Variants in PNLIPRP3 observed in about 807,000 individuals in gnomAD.
PNLIPRP3 encodes the protein pancreatic lipase related protein 3.
Under a neutral mutation model 52.8 loss-of-function variants are expected in PNLIPRP3, and 58 were observed. The ratio of observed to expected loss-of-function variants is 1.10; its 90% CI spans 0.89 to 1.37. PNLIPRP3 has a LOEUF of 1.37. Ranked by LOEUF, PNLIPRP3 falls within the 40% of genes most tolerant of loss-of-function variation. PNLIPRP3 has a pLI of 0.00. For missense variants in PNLIPRP3, 593 were observed against 561.6 expected (o/e 1.06, Z -0.57); for synonymous variants, 192 against 185.0 (o/e 1.04, Z -0.31).
chr10:116,439,732 T>G lies in PNLIPRP3; in HGVS notation c.204+2867T>G, dbSNP rs1011792402. 3.9e-6 allele frequency: 3 copies of G among 770,638 alleles called. No homozygotes were observed. The African/African-American group carries it at 5.1e-5, about 13-fold the overall frequency. The allele number at this position is 770,638 out of a possible 1,614,324, so 47.7% of individuals were successfully genotyped here. On this transcript the variant is annotated intron_variant, in intron 2 of 11. Transcript: ENST00000369230. ...TGTGGATTTGATCTAGGCGCAGAAT[T>G]CTGAACAGAACAGGAAGAATCCAGA...
intron 3 of PNLIPRP3, 47 bp downstream of exon 3, chr10:116,443,221 G>A (rs1490945098): frequency 1.9e-6 from 3 of 1,566,736 alleles, no homozygotes; most frequent in Non-Finnish European, 2.6e-6. Context: ...CGAGCTTTAT[G>A]TTTAACATGA....
chr10:116,442,243 C>T (rs1845869517), intron 2 of PNLIPRP3, among the ~76,000 whole-genome samples: 1 of 152,086 alleles, frequency 6.6e-6, no homozygotes, highest in African/African-American at 2.4e-5. Context: ...TTAAGGCAAT[C>T]CAACAAAATA....
At chr10:116,437,126 A>G (rs1402958498) in intron 2 of PNLIPRP3, among the ~76,000 whole-genome samples, 1 of 151,658 alleles carries the variant, frequency 6.6e-6, no homozygotes, top group Non-Finnish European at 1.5e-5. Flanking sequence ...CAGTCAATGT[A>G]CCAACTGAGA....
chr10:116,439,838 G>T (rs1309586915), intron 2 of PNLIPRP3: 2 of 777,978 alleles, frequency 2.6e-6, no homozygotes. Context: ...CGATCATAGC[G>T]CACTTTAATC....
intron 5 of PNLIPRP3, among the ~76,000 whole-genome samples, chr10:116,456,633 A>T (rs1429578413): frequency 7.2e-5 from 11 of 152,212 alleles, no homozygotes; most frequent in Admixed American, 7.2e-4. Context: ...AGCAAAGTAT[A>T]TAGCATGAAT....
intron 4 of PNLIPRP3, among the ~76,000 whole-genome samples, chr10:116,450,269 T>C (rs2133129531): frequency 6.6e-6 from 1 of 152,276 alleles, no homozygotes; most frequent in South Asian, 2.1e-4. Context: ...TCTTAAAACA[T>C]TATGAGATTT....
At position 116,471,824 on chromosome 10, in the gene PNLIPRP3, G is replaced by A. The variant is rs1398008576; in HGVS notation, c.1117G>A (p.Val373Ile). ...TGGAAGCGAAGTCACTCAAGGAACT[G>A]TCTTTCTTCGTGTAGGCGGGGCAGT... ...LSGSEVTQGTVFLRVGGAVRK... is the reference protein window; with the variant it reads ...LSGSEVTQGTIFLRVGGAVRK... The change falls in exon 10 of 12, where the codon GTC becomes ATC. Residue 373 changes from valine (V) to isoleucine (I), a missense_variant. Val to Ile is a conservative substitution (Grantham distance 29). Coordinates refer to ENST00000369230, the MANE Select transcript of PNLIPRP3 (RefSeq NM_001011709.3). The A allele has an allele frequency of 1.9e-6, 3 of 1,611,834 alleles. No homozygotes were observed. In the African/African-American group the frequency reaches 4.0e-5, roughly 22 times the overall value.
chr10:116,434,646 C>G (rs1331565943), intron 1 of PNLIPRP3, among the ~76,000 whole-genome samples: 2 of 151,980 alleles, frequency 1.3e-5, no homozygotes, highest in Admixed American at 6.6e-5. Flanking sequence ...AAAATAAGGA[C>G]TAGTTATAAA....
chr10:116,436,407 G>A (rs551620879), intron 1 of PNLIPRP3, among the ~76,000 whole-genome samples: 30 of 152,066 alleles, frequency 2.0e-4, no homozygotes, highest in Non-Finnish European at 3.4e-4. Flanking sequence ...GAAAACATAC[G>A]AAAAATCTCC....
intron 3 of PNLIPRP3, among the ~76,000 whole-genome samples, chr10:116,443,801 G>GTGTGTATATA (rs1845898955): frequency 9.0e-5 from 1 of 11,158 alleles, no homozygotes; most frequent in African/African-American, 1.9e-4. Flanking sequence ...ATGTGTGTGT[G>GTGTGTATATA]CATATATATA....
intron 1 of PNLIPRP3, among the ~76,000 whole-genome samples, chr10:116,429,792 C>G (rs1845684461): frequency 6.6e-6 from 1 of 152,138 alleles, no homozygotes; most frequent in Non-Finnish European, 1.5e-5. Flanking sequence ...ACAGGATCAT[C>G]AAGGGAGTGA....
chr10:116,468,929 C>T (rs1846322175), intron 8 of PNLIPRP3, among the ~76,000 whole-genome samples: 1 of 152,148 alleles, frequency 6.6e-6, no homozygotes, highest in Admixed American at 6.6e-5. Flanking sequence ...TAGTTATTGA[C>T]TATTTGAGTT....
At chr10:116,465,713 T>A (rs1589988911) in intron 7 of PNLIPRP3, among the ~76,000 whole-genome samples, 1 of 152,076 alleles carries the variant, frequency 6.6e-6, no homozygotes, top group Non-Finnish European at 1.5e-5. Context: ...AAAGGTTGGG[T>A]TTCACTGAGG....
At chr10:116,446,217 G>A (rs1204861481) in intron 4 of PNLIPRP3, among the ~76,000 whole-genome samples, 5 of 151,802 alleles carry the variant, frequency 3.3e-5, no homozygotes, top group Non-Finnish European at 7.4e-5. Flanking sequence ...GTGTTGGCGG[G>A]CACCTGTAGT....
At position 116,448,752 on chromosome 10, in the gene PNLIPRP3, A is replaced by G. The variant is rs762485389; in HGVS notation, c.456+4239A>G. Among the ~76,000 whole-genome samples, 11 of 151,870 alleles carry G rather than the reference A, an allele frequency of 7.2e-5. No individual in the cohort carries two copies. The East Asian group carries it at 2.1e-3, about 29-fold the overall frequency. On this transcript the variant is annotated intron_variant, in intron 4 of 11. Coordinates refer to ENST00000369230, the MANE Select transcript of PNLIPRP3 (RefSeq NM_001011709.3). ...GTTTTAGGGCTGGGTGCGGTGGCCC[A>G]CACCTGTAATCCCAGCACTTTGTGA...
intron 4 of PNLIPRP3, among the ~76,000 whole-genome samples, chr10:116,452,851 G>A (rs974114719): frequency 2.0e-5 from 3 of 152,250 alleles, no homozygotes; most frequent in Non-Finnish European, 4.4e-5. Context: ...CAGGGGCAGA[G>A]CCCCCACAGA....
At chr10:116,452,260 A>C (rs140326463) in intron 4 of PNLIPRP3, among the ~76,000 whole-genome samples, 5 of 152,358 alleles carry the variant, frequency 3.3e-5, no homozygotes, top group African/African-American at 1.2e-4. Context: ...GCTTCTAACA[A>C]TCTACAATCA....
At chr10:116,428,158 T>A in intron 1 of PNLIPRP3, 97 bp downstream of exon 1, 1 of 876,236 alleles carries the variant, frequency 1.1e-6, no homozygotes. Context: ...AAATTACTAT[T>A]GCTAATTTCA....
At chr10:116,429,799 G>T (rs1845684520) in intron 1 of PNLIPRP3, among the ~76,000 whole-genome samples, 1 of 152,192 alleles carries the variant, frequency 6.6e-6, no homozygotes, top group South Asian at 2.1e-4. Flanking sequence ...CATCAAGGGA[G>T]TGACTGCAGG....
Sources: allele counts gnomAD v4.1 joint callset (sites outside exome capture counted in the v4.1 genomes callset), GRCh38; gene constraint gnomAD v4.1.1; transcripts MANE v1.5; gene names NCBI Gene and HGNC (gene_info 2026-07-23, HGNC 2026-07-21).